Variants in PCDH15 observed in about 807,000 individuals in gnomAD.
The protein encoded by PCDH15 is protocadherin related 15.
Under a neutral mutation model 178.5 loss-of-function variants are expected in PCDH15, and 129 were observed. The ratio of observed to expected loss-of-function variants is 0.72; its 90% CI spans 0.63 to 0.84. PCDH15 has a LOEUF of 0.84. PCDH15 is among the 40% of genes least tolerant of loss of function. The probability of loss-of-function intolerance (pLI) is 0.00; values close to 1 mark genes in which losing one functional copy is unlikely to be tolerated. For synonymous variants in PCDH15, 800 were observed against 732.0 expected (o/e 1.09, Z -1.50); for missense variants, 2,230 against 2,099.9 (o/e 1.06, Z -1.21).
At chr10:54,139,543 T>C (rs1467463250) in intron 14 of PCDH15, among the ~76,000 whole-genome samples, 2 of 152,144 alleles carry the variant, frequency 1.3e-5, no homozygotes. Context: ...TTCTAAAAAT[T>C]GTGGAATGGT....
intron 3 of PCDH15, among the ~76,000 whole-genome samples, chr10:54,392,214 C>T (rs1242205785): frequency 6.6e-6 from 1 of 151,930 alleles, no homozygotes; most frequent in Non-Finnish European, 1.5e-5. Context: ...CCTGTAATCA[C>T]AACACTTTGG....
chr10:54,190,515 T>C (rs1159863140), intron 11 of PCDH15, among the ~76,000 whole-genome samples: 1 of 152,204 alleles, frequency 6.6e-6, no homozygotes, highest in Non-Finnish European at 1.5e-5. Context: ...GGGATCCTTC[T>C]GCCTCAGCCT....
intron 2 of PCDH15, among the ~76,000 whole-genome samples, chr10:54,657,632 G>A (rs1225175401): frequency 6.6e-6 from 1 of 151,944 alleles, no homozygotes; most frequent in South Asian, 2.1e-4. Flanking sequence ...AAAGAACTTT[G>A]GCACACTGAA....
chr10:53,888,724 G>C (rs1283255356), intron 26 of PCDH15, among the ~76,000 whole-genome samples: 3 of 96,106 alleles, frequency 3.1e-5, no homozygotes, highest in African/African-American at 1.0e-4. Context: ...AAATTGATAA[G>C]CTGATTCTAA....
chr10:54,021,455 C>G (rs718308), intron 19 of PCDH15, among the ~76,000 whole-genome samples: 81,386 of 151,754 alleles, frequency 0.54, 21,917 homozygotes, highest in Middle Eastern at 0.71. Context: ...GTTTTTAATT[C>G]AATTTTCAAT....
In PCDH15 at chr10:53,888,359, C is replaced by CGTACATATATATACTTATATATACATAT; in HGVS notation, c.3501+14883_3501+14884insATATGTATATATAAGTATATATATGTAC. The stretch of plus-strand genomic sequence containing the variant: ...ACGTATATATATATACGTATATATA[C>CGTACATATATATACTTATATATACATAT]ATATATATATATATTCCATATCAGT... On this transcript the variant is annotated intron_variant, in intron 26 of 37. Transcript: ENST00000644397. 1.9e-5 allele frequency among the ~76,000 whole-genome samples: 2 copies of CGTACATATATATACTTATATATACATAT among 107,148 alleles called. 1 individual carries two copies. Among genetic ancestry groups the CGTACATATATATACTTATATATACATAT allele is most frequent in the South Asian group, 6.0e-4 (2 of 3,326 alleles). The allele number at this position is 107,148 out of a possible 152,430, so 70.3% of individuals were successfully genotyped here.
chr10:55,450,812 G>A (rs1050498081), intron 2 of PCDH15, among the ~76,000 whole-genome samples: 2 of 151,914 alleles, frequency 1.3e-5, no homozygotes, highest in East Asian at 1.9e-4. Context: ...GACTGGTTCC[G>A]ATTATCCAGC....
In PCDH15 at chr10:55,520,491, CTG is replaced by C. The variant is rs986343888; in HGVS notation, c.-156+107132_-156+107133del. The stretch of plus-strand genomic sequence containing the variant: ...CCGAATTATTTCAAAAAATTATTAG[CTG>C]TGTGTGTGTGTGTATATGTGTGTGT... On this transcript the variant is annotated intron_variant, in intron 2 of 5. Transcript: ENST00000613346. 1.2e-3 allele frequency among the ~76,000 whole-genome samples: 162 copies of C among 133,912 alleles called. 1 individual carries two copies. Among genetic ancestry groups the C allele is most frequent in the Non-Finnish European group, 1.6e-3 (100 of 61,660 alleles). 87.9% of individuals were successfully genotyped at this position (133,912 alleles called of 152,430 possible). A position where few individuals can be genotyped will look rare whatever the true frequency, so the allele number is the denominator to read the frequency against.
At chr10:54,576,145 AT>A (rs1457209440) in intron 2 of PCDH15, among the ~76,000 whole-genome samples, 2 of 151,842 alleles carry the variant, frequency 1.3e-5, no homozygotes. Context: ...CCATCTATCT[AT>A]CTATCTACCT....
chr10:54,230,745 T>G (rs2134303766), intron 9 of PCDH15, among the ~76,000 whole-genome samples: 1 of 152,276 alleles, frequency 6.6e-6, no homozygotes, highest in South Asian at 2.1e-4. Context: ...TTCATAATAT[T>G]ATTATAATCA....
chr10:55,111,085 TA>T (rs1460441004), intron 2 of PCDH15, among the ~76,000 whole-genome samples: 1 of 152,112 alleles, frequency 6.6e-6, no homozygotes, highest in Non-Finnish European at 1.5e-5. Flanking sequence ...GACTATGAAA[TA>T]AAAACCTCTT....
chr10:53,940,543 C>A (rs1315521787), intron 24 of PCDH15, among the ~76,000 whole-genome samples: 4 of 151,898 alleles, frequency 2.6e-5, no homozygotes, highest in Non-Finnish European at 5.9e-5. Flanking sequence ...ATGATCATGG[C>A]CAAAAGCTGA....
intron 2 of PCDH15, among the ~76,000 whole-genome samples, chr10:54,939,523 A>AAAAAAAAAAAAAAAAAAAAAG (rs1838005564): frequency 6.8e-6 from 1 of 146,370 alleles, no homozygotes; most frequent in Non-Finnish European, 1.5e-5. Flanking sequence ...AAAAAAAAAA[A>AAAAAAAAAAAAAAAAAAAAAG]TCAGTGATGT....
intron 2 of PCDH15, among the ~76,000 whole-genome samples, chr10:55,523,766 T>G (rs565828711): frequency 6.6e-6 from 1 of 151,694 alleles, no homozygotes; most frequent in African/African-American, 2.4e-5. Flanking sequence ...GGTAGAAAAG[T>G]TGATTAACAT....
chr10:54,185,246 A>T lies in PCDH15; in HGVS notation c.1328T>A (p.Leu443His). Reference sequence around the variant, plus strand: ...GACTGAGGTGTAGTCATTCAGAAAAAGGTGAAGCTCTGGGTCTTTTGTCTT... The same window carrying T: ...GACTGAGGTGTAGTCATTCAGAAAATGGTGAAGCTCTGGGTCTTTTGTCTT... ...IEDTKDPELH[L>H]FLNDYTSVFT... Residue 443 changes from leucine (L) to histidine (H), a missense_variant, in exon 12 of 38, where the codon CTT becomes CAT. Physicochemically the swap from Leu to His is moderately conservative, Grantham distance 99 (BLOSUM62 -3). Transcript: ENST00000644397. 1.2e-6 allele frequency: 2 copies of T among 1,613,692 alleles called. No individual in the cohort carries two copies. The highest frequency in any genetic ancestry group is 1.7e-6 in the Non-Finnish European group (2 of 1,179,672).
chr10:54,679,189 C>CAAAAAAAA, intron 1 of PCDH15, among the ~76,000 whole-genome samples: 1 of 71,338 alleles, frequency 1.4e-5, no homozygotes, highest in Non-Finnish European at 2.8e-5. Flanking sequence ...GACTCCGTCT[C>CAAAAAAAA]AAAAAAAAAA....
chr10:54,177,106 T>C (rs1174360425), intron 13 of PCDH15, among the ~76,000 whole-genome samples: 1 of 152,136 alleles, frequency 6.6e-6, no homozygotes, highest in Non-Finnish European at 1.5e-5. Flanking sequence ...TGAAAAGATA[T>C]GGGCTATTAT....
intron 2 of PCDH15, among the ~76,000 whole-genome samples, chr10:55,401,420 G>A (rs1838061203): frequency 6.6e-6 from 1 of 152,034 alleles, no homozygotes; most frequent in African/African-American, 2.4e-5. Flanking sequence ...AAATGATAAA[G>A]AAGAAAATGA....
intron 11 of PCDH15, among the ~76,000 whole-genome samples, chr10:54,189,948 T>G (rs1273030857): frequency 6.6e-6 from 1 of 151,818 alleles, no homozygotes; most frequent in East Asian, 1.9e-4. Context: ...TGTGTGTGTG[T>G]GTGTGTGTGT....
Sources: allele counts gnomAD v4.1 joint callset (sites outside exome capture counted in the v4.1 genomes callset), GRCh38; gene constraint gnomAD v4.1.1; transcripts MANE v1.5; gene names NCBI Gene and HGNC (gene_info 2026-07-23, HGNC 2026-07-21).